DCDC1: variants seen among roughly 807,000 people sequenced by gnomAD.
DCDC1 encodes doublecortin domain-containing protein 1.
DCDC1 carries 200 observed loss-of-function variants against 178.3 expected under a neutral mutation model. The observed-to-expected ratio is 1.12, with a 90% CI of 1.00 to 1.26. DCDC1 has a LOEUF of 1.26. Among genes scored for constraint, DCDC1 ranks in the 50% most tolerant of loss-of-function variants. The probability of loss-of-function intolerance (pLI) is 0.00; values close to 1 mark genes in which losing one functional copy is unlikely to be tolerated. For synonymous variants in DCDC1, 690 were observed against 604.8 expected, an observed-to-expected ratio of 1.14 and a Z score of -2.07; for missense variants, 1,983 against 1,749.2, an observed-to-expected ratio of 1.13 and a Z score of -2.38.
intron 9 of DCDC1, among the ~76,000 whole-genome samples, chr11:31,213,214 T>C (rs1367334839): frequency 1.4e-5 from 2 of 147,912 alleles, no homozygotes; most frequent in Non-Finnish European, 3.0e-5. Flanking sequence ...GGCATGTGGC[T>C]CTTCAGTCAC....
chr11:31,032,281 T>C (rs1953702174), intron 20 of DCDC1, among the ~76,000 whole-genome samples: 1 of 152,158 alleles, frequency 6.6e-6, no homozygotes, highest in Admixed American at 6.5e-5. Context: ...TCATAACAAG[T>C]GAACAATTAG....
chr11:31,127,905 G>GA (rs1209215621), intron 10 of DCDC1, among the ~76,000 whole-genome samples: 1 of 152,030 alleles, frequency 6.6e-6, no homozygotes, highest in Non-Finnish European at 1.5e-5. Context: ...CTCTGGATAT[G>GA]AAAAGAAACA....
chr11:31,190,756 G>C (rs1485089063), intron 9 of DCDC1, among the ~76,000 whole-genome samples: 1 of 151,900 alleles, frequency 6.6e-6, no homozygotes, highest in Non-Finnish European at 1.5e-5. Flanking sequence ...GTTGTGTTTT[G>C]ATTTTCATTT....
At chr11:31,243,566 G>A (rs1437019838) in intron 8 of DCDC1, among the ~76,000 whole-genome samples, 1 of 151,428 alleles carries the variant, frequency 6.6e-6, no homozygotes, top group African/African-American at 2.4e-5. Flanking sequence ...GTCAGCTCAA[G>A]GGATTCCAAA....
intron 38 of DCDC1, among the ~76,000 whole-genome samples, chr11:30,868,731 AG>A (rs1347284505): frequency 6.6e-6 from 1 of 152,218 alleles, no homozygotes; most frequent in Non-Finnish European, 1.5e-5. Flanking sequence ...AGCAGAGATC[AG>A]TCTGGGTCAC....
intron 9 of DCDC1, among the ~76,000 whole-genome samples, chr11:31,239,256 C>G (rs1013303213): frequency 2.1e-4 from 32 of 151,944 alleles, no homozygotes; most frequent in African/African-American, 7.7e-4. Flanking sequence ...AAAGGCTATA[C>G]CAAAGGTCAA....
rs542836070 is a variant in DCDC1 at position 31,068,936 on chromosome 11, C to T, written c.2299-3783G>A. ...GTGCAATCTCGGCTCACTGCAAGCT[C>T]CGCTTCCTGGGTTCATGCCATTCTC... On this transcript the variant is annotated intron_variant, in intron 18 of 38. Transcript: ENST00000684477. Among the ~76,000 whole-genome samples the T allele has an allele frequency of 1.4e-3, 214 of 152,038 alleles. 2 individuals are homozygous for T. The highest frequency in any genetic ancestry group is 2.5e-3 in the Non-Finnish European group (169 of 67,990).
At chr11:31,273,501 C>T (rs1379598770) in intron 7 of DCDC1, among the ~76,000 whole-genome samples, 2 of 152,152 alleles carry the variant, frequency 1.3e-5, no homozygotes, top group Non-Finnish European at 2.9e-5. Context: ...CAACAAGTTC[C>T]TTATCTCCAT....
intron 20 of DCDC1, among the ~76,000 whole-genome samples, chr11:31,031,387 G>A (rs1369356848): frequency 6.6e-6 from 1 of 152,028 alleles, no homozygotes; most frequent in Admixed American, 6.6e-5. Flanking sequence ...AGATCAAAGA[G>A]CTATGTATGT....
chr11:30,881,542 T>C (rs968018317), intron 36 of DCDC1, among the ~76,000 whole-genome samples: 18 of 152,182 alleles, frequency 1.2e-4, no homozygotes, highest in African/African-American at 4.3e-4. Context: ...TAGTTCCGTA[T>C]TTTTTCATGG....
intron 1 of DCDC1, among the ~76,000 whole-genome samples, chr11:31,366,599 A>T (rs1224639083): frequency 6.6e-6 from 1 of 152,210 alleles, no homozygotes; most frequent in Admixed American, 6.5e-5. Context: ...TTAGGGTGTT[A>T]TAAGTAAGGA....
chr11:31,015,199 C>T (rs1202370334), intron 20 of DCDC1, among the ~76,000 whole-genome samples: 1 of 152,094 alleles, frequency 6.6e-6, no homozygotes, highest in Non-Finnish European at 1.5e-5. Flanking sequence ...CCACCAGCCT[C>T]GGCCTCCCAA....
rs922408794 is a variant in DCDC1, at chr11:31,272,177, A to C, written c.961-6577T>G. ...ACTCCATCTAAAAAAAAAAAAAAAA[A>C]CCACCAGAGCTGATAAGACGTTTTC... On this transcript the variant is annotated intron_variant, in intron 7 of 38. Transcript: ENST00000684477. Among the ~76,000 whole-genome samples the C allele has an allele frequency of 5.3e-3, 736 of 139,086 alleles. 9 individuals carry two copies. Among genetic ancestry groups the C allele is most frequent in the African/African-American group, 0.019 (700 of 37,102 alleles). 91.2% of individuals were successfully genotyped at this position (139,086 alleles called of 152,430 possible).
intron 10 of DCDC1, among the ~76,000 whole-genome samples, chr11:31,135,733 T>C (rs185201399): frequency 6.6e-6 from 1 of 152,180 alleles, no homozygotes; most frequent in Non-Finnish European, 1.5e-5. Flanking sequence ...AAAAAGCAAA[T>C]ATATGACAAA....
chr11:31,113,884 C>T (rs748956059), intron 11 of DCDC1, among the ~76,000 whole-genome samples: 225 of 152,260 alleles, frequency 1.5e-3, no homozygotes, highest in Non-Finnish European at 2.3e-3. Context: ...TTTGGAAAAC[C>T]TCAATCAGAT....
intron 9 of DCDC1, among the ~76,000 whole-genome samples, chr11:31,163,610 A>AAGCTAAAAGAGAGCCTGAAATAG (rs1175010550): frequency 2.6e-4 from 40 of 152,200 alleles, no homozygotes; most frequent in Non-Finnish European, 4.9e-4. Flanking sequence ...ATGTTAAAAT[A>AAGCTAAAAGAGAGCCTGAAATAG]AGCTAAAAGA....
chr11:31,085,405 C>G (rs1352941079), intron 17 of DCDC1, among the ~76,000 whole-genome samples: 1 of 152,058 alleles, frequency 6.6e-6, no homozygotes, highest in Non-Finnish European at 1.5e-5. Flanking sequence ...CCCCATCATC[C>G]TATCTTCAGG....
At chr11:30,931,427 T>C (rs1011492963) in intron 22 of DCDC1, among the ~76,000 whole-genome samples, 2 of 152,136 alleles carry the variant, frequency 1.3e-5, no homozygotes, top group Non-Finnish European at 2.9e-5. Context: ...CAAAATTATA[T>C]TTAAGGATGT....
At chr11:31,140,510 G>C (rs773178464) in intron 9 of DCDC1, among the ~76,000 whole-genome samples, 1 of 152,124 alleles carries the variant, frequency 6.6e-6, no homozygotes, top group Admixed American at 6.6e-5. Flanking sequence ...TTGCTGCTAA[G>C]ATTTTTAAAA....
Sources: allele counts gnomAD v4.1 joint callset (sites outside exome capture counted in the v4.1 genomes callset), GRCh38; gene constraint gnomAD v4.1.1; transcripts MANE v1.5; gene names NCBI Gene and HGNC (gene_info 2026-07-23, HGNC 2026-07-21).